Variants in SPEG observed in about 807,000 individuals in gnomAD.
SPEG encodes the protein striated muscle preferentially expressed protein kinase.
In SPEG, 114 loss-of-function variants were observed where a neutral mutation model predicts 300.4. The ratio of observed to expected loss-of-function variants is 0.38; its 90% CI spans 0.33 to 0.44. The LOEUF (loss-of-function observed/expected upper bound fraction) is 0.44. Ranked by LOEUF, SPEG falls within the 20% of genes least tolerant of loss-of-function variation. The probability of loss-of-function intolerance (pLI) is 1.00; values close to 1 mark genes in which losing one functional copy is unlikely to be tolerated. For synonymous variants in SPEG, 1,964 were observed against 2,018.9 expected (o/e 0.97, Z 0.73); for missense variants, 4,201 against 4,586.2 (o/e 0.92, Z 2.43).
Position 219,489,194 on chromosome 2 carries a change from G to C in SPEG, c.8290G>C (p.Glu2764Gln), listed in dbSNP as rs775563227. The C allele has an allele frequency of 3.1e-6, 5 of 1,613,978 alleles. No homozygotes were observed. The South Asian group carries it at 4.4e-5, about 14-fold the overall frequency. Residue 2764 changes from glutamate to glutamine, a missense_variant, in exon 35 of 41, where the codon GAG becomes CAG. Glu to Gln is a conservative substitution (Grantham distance 29, BLOSUM62 2). This residue lies in a region of SPEG where 1,578 missense variants were observed against 1,506.0 expected (regional missense o/e 1.05). Coordinates refer to ENST00000312358, the MANE Select transcript of SPEG (RefSeq NM_005876.5). ...GCAGGGGCCCTTCAGCAACTCTTCT[G>C]AGAAGGTCTTTGTCAGGGGTACTCA... ...AGQGPFSNSS[E>Q]KVFVRGTQDS... is the part of the protein sequence containing the mutation.
In SPEG at chr2:219,488,554, C is replaced by T. The variant is rs752481748; in HGVS notation, c.7915C>T (p.Arg2639Trp). 16 of 1,610,138 alleles carry T rather than the reference C, an allele frequency of 9.9e-6. No homozygotes were observed. Among genetic ancestry groups the T allele is most frequent in the Admixed American group, 3.4e-5 (2 of 59,538 alleles). The stretch of plus-strand genomic sequence containing the variant: ...GATCATCGTGTCCTGCAAAGATGGG[C>T]GGCAGCTGCTCAGCATCCCCCGGGC... ...SVIIVSCKDG[R>W]QLLSIPRAGK... Residue 2639 changes from arginine to tryptophan, a missense_variant, in exon 33 of 41, where the codon CGG (arginine) becomes TGG (tryptophan). Arg to Trp is a moderately radical substitution (Grantham distance 101). Around this residue, in one of 4 missense-constraint regions of SPEG, gnomAD observed 1,578 missense variants for 1,506.0 expected, o/e 1.05. Coordinates refer to ENST00000312358, the MANE Select transcript of SPEG (RefSeq NM_005876.5).
intron 9 of SPEG, chr2:219,466,511 G>T (rs780159960): frequency 7.2e-6 from 8 of 1,105,936 alleles, no homozygotes; most frequent in Non-Finnish European, 8.8e-6. Flanking sequence ...GCATGGCATG[G>T]AGGGGCCCAA....
At position 219,489,347 on chromosome 2, in the gene SPEG, G is replaced by A. The variant is rs1360621581; in HGVS notation, c.8329G>A (p.Val2777Met). ...TCTCTCTCTCTTAGATTCTTCAGCTGTGCCATCTGCTGCCCACCAAGAGGC... is the reference window on the plus strand; with the variant it reads ...TCTCTCTCTCTTAGATTCTTCAGCTATGCCATCTGCTGCCCACCAAGAGGC... ...FVRGTQDSSA[V>M]PSAAHQEAPV... is the part of the protein sequence containing the mutation. Residue 2777 changes from valine (V) to methionine (M), a missense_variant, in exon 36 of 41, where the codon GTG (valine) becomes ATG (methionine). Coordinates refer to ENST00000312358, the MANE Select transcript of SPEG (RefSeq NM_005876.5). 8 of 1,613,466 alleles carry A rather than the reference G, an allele frequency of 5.0e-6. No individual in the cohort carries two copies. The Admixed American group carries it at 1.0e-4, about 20-fold the overall frequency.
chr2:219,449,036 C>T lies in SPEG; in HGVS notation c.1878C>T (p.Pro626=). The part of the protein sequence containing the change: ...ADPPEARTKA[P]PGRKREPPAQ... ...CCCCAGAGGCCAGGACGAAAGCACC[C>T]CCCGGTCGGAAGCGGGAGCCCCCGG... Residue 626 remains proline, a synonymous_variant, in exon 4 of 41, where the codon CCC becomes CCT. Coordinates refer to ENST00000312358, the MANE Select transcript of SPEG (RefSeq NM_005876.5). 1.3e-6 allele frequency: 2 copies of T among 1,520,086 alleles called. No homozygotes were observed. Among genetic ancestry groups the T allele is most frequent in the South Asian group, 1.2e-5 (1 of 80,938 alleles). The allele number at this position is 1,520,086 out of a possible 1,614,324, so 94.2% of individuals were successfully genotyped here. A position where few individuals can be genotyped will look rare whatever the true frequency, so the allele number is the denominator to read the frequency against.
chr2:219,444,676 A>G lies in SPEG; in HGVS notation c.412A>G (p.Ile138Val). The G allele has an allele frequency of 1.9e-6, 3 of 1,614,022 alleles. No individual in the cohort carries two copies. The highest frequency in any genetic ancestry group is 2.5e-6 in the Non-Finnish European group (3 of 1,179,932). ...AGACTCAGAGACGGCTGAGGATGACATCAGCGATGTGCAGGGAACCCAGCG... is the reference window on the plus strand; with the variant it reads ...AGACTCAGAGACGGCTGAGGATGACGTCAGCGATGTGCAGGGAACCCAGCG... ...VGDSETAEDD[I>V]SDVQGTQRLE... Residue 138 changes from isoleucine (I) to valine (V), a missense_variant, in exon 2 of 41, where the codon ATC (isoleucine) becomes GTC (valine). Coordinates refer to ENST00000312358, the MANE Select transcript of SPEG (RefSeq NM_005876.5). The surrounding 1 kb of genome is among the most constrained non-coding windows in gnomAD (Gnocchi z 7.8).
rs778344864 is a variant in SPEG, at chr2:219,484,004, C to G, written c.6541C>G (p.Pro2181Ala). 11 of 1,612,682 alleles carry G rather than the reference C, an allele frequency of 6.8e-6. No homozygotes were observed. The African/African-American group carries it at 1.1e-4, about 16-fold the overall frequency. Residue 2181 changes from proline to alanine, a missense_variant, in exon 30 of 41, where the codon CCC becomes GCC. This residue lies in a region of SPEG where 1,578 missense variants were observed against 1,506.0 expected (regional missense o/e 1.05). Transcript: ENST00000312358. ...GGCCCAGCCATCCAGCCCTGCACGG[C>G]CCAGCGCCCCCAAACCCAGTACCCC... ...SEAQPSSPARPSAPKPSTPKS... is the reference protein window; with the variant it reads ...SEAQPSSPARASAPKPSTPKS...
rs200718513 is a variant in SPEG, at chr2:219,489,521, C to G, written c.8503C>G (p.Leu2835Val). 69 of 1,613,212 alleles carry G rather than the reference C, an allele frequency of 4.3e-5. No homozygotes were observed. In the African/African-American group the frequency reaches 8.0e-4, roughly 19 times the overall value. Residue 2835 changes from leucine to valine, a missense_variant, in exon 36 of 41, where the codon CTC (leucine) becomes GTC (valine). Transcript: ENST00000312358. Reference protein sequence around the residue: ...PTPPSQALSSLKAVGPPPQTP... With the variant: ...PTPPSQALSSVKAVGPPPQTP... ...ACCTCCTAGCCAGGCCTTGTCCTCG[C>G]TCAAGGCTGTGGGTCCACCACCCCA...
rs200932789 is a variant in SPEG at position 219,483,286 on chromosome 2, C to T, written c.5823C>T (p.Pro1941=). The T allele has an allele frequency of 1.6e-4, 264 of 1,606,784 alleles. No individual in the cohort carries two copies. The highest frequency in any genetic ancestry group is 2.1e-4 in the Non-Finnish European group (250 of 1,176,764). ...ELPSVPRPLQ[P]EFSGSRVSLT... ...CCTCAGTGCCCCGCCCACTGCAGCC[C>T]GAGTTCTCTGGCTCCCGGGTGTCCC... The change falls in exon 30 of 41, where the codon CCC becomes CCT. Residue 1941 remains proline, a synonymous_variant. Transcript: ENST00000312358.
At position 219,489,675 on chromosome 2, in the gene SPEG, C is replaced by T; in HGVS notation, c.8657C>T (p.Ser2886Phe). 6.2e-7 allele frequency: 1 copy of T among 1,614,122 alleles called. No individual in the cohort carries two copies. The highest frequency in any genetic ancestry group is 1.1e-5 in the South Asian group (1 of 91,074). Residue 2886 changes from serine to phenylalanine, a missense_variant, in exon 36 of 41, where the codon TCC (serine) becomes TTC (phenylalanine). Physicochemically the swap from Ser to Phe is radical, Grantham distance 155. This residue lies in a region of SPEG where 1,578 missense variants were observed against 1,506.0 expected (regional missense o/e 1.05). Coordinates refer to ENST00000312358, the MANE Select transcript of SPEG (RefSeq NM_005876.5). ...VLDTGTPIPA[S>F]TPQGVKPVSS... ...GACACTGGGACCCCGATCCCAGCCT[C>T]CACTCCTCAAGGGGTTAAACCAGTG...
Position 219,479,799 on chromosome 2 carries a change from G to T in SPEG, c.5102G>T (p.Arg1701Leu). 6.2e-7 allele frequency: 1 copy of T among 1,613,922 alleles called. No individual in the cohort carries two copies. Among genetic ancestry groups the T allele is most frequent in the Non-Finnish European group, 8.5e-7 (1 of 1,179,942 alleles). The change falls in exon 24 of 41, where the codon CGG becomes CTG. Residue 1701 changes from arginine to leucine, a missense_variant. Coordinates refer to ENST00000312358, the MANE Select transcript of SPEG (RefSeq NM_005876.5). This position sits in a 1 kb window ranked among gnomAD's most constrained non-coding sequence, Gnocchi z 5.5. Reference sequence around the variant, plus strand: ...TTTCCACAGATCCGGGCCTATATGCGGCAGGTGCTAGAGGGAATACACTAC... The same window carrying T: ...TTTCCACAGATCCGGGCCTATATGCTGCAGGTGCTAGAGGGAATACACTAC... ...VCESEIRAYM[R>L]QVLEGIHYLH...
At position 219,464,115 on chromosome 2, in the gene SPEG, C is replaced by T. The variant is rs1210068709; in HGVS notation, c.2706-318C>T. ...TCCAGCCTGGGTGACAGAGGGAAAC[C>T]CTGTTTAAAAAAAAAAAAAAAAGAC... is the stretch of plus-strand genomic sequence containing the variant. On this transcript the variant is annotated intron_variant, in intron 8 of 40. Transcript: ENST00000312358. This position sits in a 1 kb window ranked among gnomAD's most constrained non-coding sequence, Gnocchi z 4.5. Among the ~76,000 whole-genome samples, 2 of 149,356 alleles carry T rather than the reference C, an allele frequency of 1.3e-5. No individual in the cohort carries two copies. Among genetic ancestry groups the T allele is most frequent in the African/African-American group, 5.0e-5 (2 of 39,976 alleles).
intron 6 of SPEG, among the ~76,000 whole-genome samples, chr2:219,456,926 A>G (rs1216179723): frequency 1.4e-4 from 7 of 50,522 alleles, no homozygotes; most frequent in Non-Finnish European, 3.4e-4. Context: ...AAAAAAAAAG[A>G]AAAGAAAAAG....
At chr2:219,440,678 T>C (rs1954839495) in intron 1 of SPEG, among the ~76,000 whole-genome samples, 1 of 152,136 alleles carries the variant, frequency 6.6e-6, no homozygotes, top group South Asian at 2.1e-4. Context: ...CCTCGCCTCC[T>C]GGGCATAAGT....
chr2:219,483,457 G>C lies in SPEG; in HGVS notation c.5994G>C (p.Glu1998Asp). ...AGGCCCTCCCCTCCCCAGGCCAGGA[G>C]CCCGCAGCTGGGGCTAGCCCCAGGC... is the stretch of plus-strand genomic sequence containing the variant. ...SPEALPSPGQ[E>D]PAAGASPRRG... Residue 1998 changes from glutamate to aspartate, a missense_variant, in exon 30 of 41, where the codon GAG (glutamate) becomes GAC (aspartate). This residue lies in a region of SPEG where 1,578 missense variants were observed against 1,506.0 expected (regional missense o/e 1.05). Transcript: ENST00000312358. 6.6e-7 allele frequency: 1 copy of C among 1,507,100 alleles called. No homozygotes were observed. Among genetic ancestry groups the C allele is most frequent in the Non-Finnish European group, 8.8e-7 (1 of 1,137,606 alleles). 93.4% of individuals were successfully genotyped at this position (1,507,100 alleles called of 1,614,324 possible).
Position 219,448,944 on chromosome 2 carries a change from T to C in SPEG, c.1786T>C (p.Phe596Leu). The change falls in exon 4 of 41, where the codon TTC (phenylalanine) becomes CTC (leucine). Residue 596 changes from phenylalanine to leucine, a missense_variant. Coordinates refer to ENST00000312358, the MANE Select transcript of SPEG (RefSeq NM_005876.5). ...PQQEVRRRDQ[F>L]PLTRSRAIQE... ...GCAGGAGGTTAGGCGTCGGGACCAA[T>C]TCCCGCTGACCCGGAGCAGAGCCAT... 1 of 1,500,956 alleles carries C rather than the reference T, an allele frequency of 6.7e-7. No homozygotes were observed. The highest frequency in any genetic ancestry group is 1.3e-5 in the South Asian group (1 of 78,716). 93.0% of individuals were successfully genotyped at this position (1,500,956 alleles called of 1,614,324 possible).
chr2:219,484,797 C>T lies in SPEG; in HGVS notation c.7334C>T (p.Ala2445Val), dbSNP rs1338667665. 3.4e-6 allele frequency: 5 copies of T among 1,474,320 alleles called. No individual in the cohort carries two copies. Among genetic ancestry groups the T allele is most frequent in the Admixed American group, 2.4e-5 (1 of 41,356 alleles). 91.3% of individuals were successfully genotyped at this position (1,474,320 alleles called of 1,614,324 possible). A position where few individuals can be genotyped will look rare whatever the true frequency, so the allele number is the denominator to read the frequency against. ...GAGAGCTCGGAGGGCGGGAGCTCGGCGCGGGGCTCCCCGGTGCTGGCGATG... is the reference window on the plus strand; with the variant it reads ...GAGAGCTCGGAGGGCGGGAGCTCGGTGCGGGGCTCCCCGGTGCTGGCGATG... Reference protein sequence around the residue: ...DGESSEGGSSARGSPVLAMRR... With the variant: ...DGESSEGGSSVRGSPVLAMRR... Residue 2445 changes from alanine (A) to valine (V), a missense_variant, in exon 30 of 41, where the codon GCG becomes GTG. By Grantham distance (64) the Ala-to-Val change is moderately conservative (BLOSUM62 0). Transcript: ENST00000312358.
chr2:219,455,207 A>G (rs1690081672), intron 6 of SPEG, among the ~76,000 whole-genome samples: 1 of 152,206 alleles, frequency 6.6e-6, no homozygotes, highest in Admixed American at 6.5e-5. Context: ...ATCCAGCCTT[A>G]TGAGGTAGGT....
At position 219,480,049 on chromosome 2, in the gene SPEG, G is replaced by C; in HGVS notation, c.5251G>C (p.Gly1751Arg). 1 of 1,614,106 alleles carries C rather than the reference G, an allele frequency of 6.2e-7. No individual in the cohort carries two copies. Among genetic ancestry groups the C allele is most frequent in the Non-Finnish European group, 8.5e-7 (1 of 1,180,020 alleles). The part of the protein sequence containing the change: ...DFGNAQELTP[G>R]EPQYCQYGTP... ...TGGGAATGCCCAGGAGCTGACTCCAGGAGAGCCCCAGTACTGCCAGTATGG... is the reference window on the plus strand; with the variant it reads ...TGGGAATGCCCAGGAGCTGACTCCACGAGAGCCCCAGTACTGCCAGTATGG... Residue 1751 changes from glycine to arginine, a missense_variant, in exon 25 of 41, where the codon GGA (glycine) becomes CGA (arginine). Around this residue, in one of 4 missense-constraint regions of SPEG, gnomAD observed 1,047 missense variants for 1,356.8 expected, o/e 0.77. Coordinates refer to ENST00000312358, the MANE Select transcript of SPEG (RefSeq NM_005876.5). This position sits in a 1 kb window ranked among gnomAD's most constrained non-coding sequence, Gnocchi z 5.3.
Position 219,483,465 on chromosome 2 carries a change from C to G in SPEG, c.6002C>G (p.Ala2001Gly), listed in dbSNP as rs777805175. Residue 2001 changes from alanine to glycine, a missense_variant, in exon 30 of 41, where the codon GCT (alanine) becomes GGT (glycine). Transcript: ENST00000312358. Reference protein sequence around the residue: ...ALPSPGQEPAAGASPRRGELR... With the variant: ...ALPSPGQEPAGGASPRRGELR... ...CCCTCCCCAGGCCAGGAGCCCGCAG[C>G]TGGGGCTAGCCCCAGGCGGGGAGAG... The G allele has an allele frequency of 1.3e-6, 2 of 1,493,326 alleles. No homozygotes were observed. Among genetic ancestry groups the G allele is most frequent in the South Asian group, 1.3e-5 (1 of 76,928 alleles). 92.5% of individuals were successfully genotyped at this position (1,493,326 alleles called of 1,614,324 possible).
Sources: gnomAD v4.1 joint callset for allele counts (sites outside exome capture counted in the v4.1 genomes callset) on GRCh38, gnomAD v4.1.1 for gene constraint, gnomAD v4.1.1 regional missense constraint, Gnocchi (gnomAD v3.1) non-coding constraint, MANE v1.5 for transcripts, NCBI Gene and HGNC (gene_info 2026-07-23, HGNC 2026-07-21) for gene names.